The following PIK3C3 variants were observed in gnomAD, a reference collection of about 807,000 sequenced individuals.
PIK3C3 encodes phosphatidylinositol 3-kinase catalytic subunit type 3.
In PIK3C3, 95 loss-of-function variants were observed where a neutral mutation model predicts 126.1. The ratio of observed to expected loss-of-function variants is 0.75; its 90% CI spans 0.64 to 0.89. The LOEUF (loss-of-function observed/expected upper bound fraction) is 0.89, where lower values mean the gene tolerates loss of function less well. PIK3C3 is among the 40% of genes least tolerant of loss of function. PIK3C3 has a pLI of 0.00. For missense variants in PIK3C3, 829 were observed against 1,063.2 expected, an observed-to-expected ratio of 0.78 and a Z score of 3.06; for synonymous variants, 374 against 360.0, an observed-to-expected ratio of 1.04 and a Z score of -0.44.
intron 12 of PIK3C3, among the ~76,000 whole-genome samples, chr18:42,018,652 C>A (rs1454311559): frequency 1.3e-5 from 2 of 151,950 alleles, no homozygotes; most frequent in Non-Finnish European, 2.9e-5. Flanking sequence ...AAGAAAGGAC[C>A]CCTACTGTGT....
chr18:42,040,375 G>T (rs1984255203), intron 18 of PIK3C3, among the ~76,000 whole-genome samples: 1 of 151,698 alleles, frequency 6.6e-6, no homozygotes, highest in Non-Finnish European at 1.5e-5. Flanking sequence ...ATAGAAAGAA[G>T]AAATTTTTGA....
In PIK3C3 at chr18:41,992,452, A is replaced by T. The variant is rs1225253463; in HGVS notation, c.715-818A>T. ...AGTCTCTCTTGAGTTTGTTGCCCAT[A>T]TTTAAAATTGAAAACATACTAGCAT... is the stretch of plus-strand genomic sequence containing the variant. On this transcript the variant is annotated intron_variant, in intron 6 of 24. Coordinates refer to ENST00000262039, the MANE Select transcript of PIK3C3 (RefSeq NM_002647.4). Among the ~76,000 whole-genome samples the T allele has an allele frequency of 4.6e-5, 7 of 152,330 alleles. No individual in the cohort carries two copies. In the East Asian group the frequency reaches 1.3e-3, roughly 29 times the overall value.
chr18:41,977,586 T>C (rs1004597442), intron 4 of PIK3C3, among the ~76,000 whole-genome samples: 2 of 151,936 alleles, frequency 1.3e-5, no homozygotes, highest in African/African-American at 2.4e-5. Flanking sequence ...ACTCCTGGGT[T>C]CAAGCGATTC....
chr18:41,999,532 G>T (rs1280601769), intron 9 of PIK3C3, among the ~76,000 whole-genome samples: 1 of 151,962 alleles, frequency 6.6e-6, no homozygotes, highest in East Asian at 1.9e-4. Context: ...GTGACCCATG[G>T]GATAAATGAA....
chr18:42,069,967 G>T (rs1437409194), intron 24 of PIK3C3, among the ~76,000 whole-genome samples: 2 of 152,036 alleles, frequency 1.3e-5, no homozygotes, highest in Non-Finnish European at 2.9e-5. Flanking sequence ...AGGTTTTTTT[G>T]TTTGCTGTAA....
chr18:42,072,826 T>C (rs1192796882), intron 24 of PIK3C3, among the ~76,000 whole-genome samples: 1 of 152,196 alleles, frequency 6.6e-6, no homozygotes, highest in African/African-American at 2.4e-5. Flanking sequence ...CGAGCCACCA[T>C]GTCTGGCCTT....
chr18:42,078,781 C>T (rs904235437), intron 24 of PIK3C3, among the ~76,000 whole-genome samples: 1 of 152,212 alleles, frequency 6.6e-6, no homozygotes, highest in Admixed American at 6.5e-5. Flanking sequence ...TTACCTTGCA[C>T]TTCTATGTTA....
intron 10 of PIK3C3, among the ~76,000 whole-genome samples, chr18:42,006,701 C>G (rs1982561564): frequency 6.6e-6 from 1 of 152,030 alleles, no homozygotes; most frequent in Admixed American, 6.6e-5. Context: ...CTTATTCTTT[C>G]TAAATAACAG....
In PIK3C3 at chr18:42,029,434, A is replaced by C. The variant is rs1567990837; in HGVS notation, c.1700A>C (p.Lys567Thr). ...KAVQRESGNR[K>T]KKNERLQALL... ...GTACAACGCGAAAGTGGAAATCGTAAGAAAAAGGTAAGCCTATGGTGTATG... is the reference window on the plus strand; with the variant it reads ...GTACAACGCGAAAGTGGAAATCGTACGAAAAAGGTAAGCCTATGGTGTATG... The change falls in exon 15 of 25, where the codon AAG becomes ACG. Residue 567 changes from lysine (K) to threonine (T), a missense_variant. Coordinates refer to ENST00000262039, the MANE Select transcript of PIK3C3 (RefSeq NM_002647.4). 6.3e-7 allele frequency: 1 copy of C among 1,588,690 alleles called. No homozygotes were observed. Among genetic ancestry groups the C allele is most frequent in the East Asian group, 2.2e-5 (1 of 44,736 alleles).
intron 24 of PIK3C3, among the ~76,000 whole-genome samples, chr18:42,068,949 C>CAAAAAA (rs35657662): frequency 5.5e-4 from 45 of 82,202 alleles, no homozygotes; most frequent in African/African-American, 2.0e-3. Context: ...GACTCCGTCT[C>CAAAAAA]AAAAAAAAAA....
rs1986331825 is a variant in PIK3C3 at position 42,083,829 on chromosome 18, A to G, written c.*2692A>G. On this transcript the variant is annotated 3_prime_UTR_variant, in exon 25 of 25. Transcript: ENST00000262039. ...GGGATTTGAAGTCGAGTTAGACCCC[A>G]GTGATCACAGTCTTGACGATTAAAT... is the stretch of plus-strand genomic sequence containing the variant. The G allele has an allele frequency of 6.6e-6, 1 of 152,220 alleles. No individual in the cohort carries two copies. The highest frequency in any genetic ancestry group is 6.5e-5 in the Admixed American group (1 of 15,268). The allele number at this position is 152,220 out of a possible 1,614,324, so 9.4% of individuals were successfully genotyped here.
At chr18:41,973,420 AT>A (rs1980765070) in intron 4 of PIK3C3, among the ~76,000 whole-genome samples, 1 of 152,020 alleles carries the variant, frequency 6.6e-6, no homozygotes, top group Non-Finnish European at 1.5e-5. Context: ...TATGGTCTTA[AT>A]TTACTCTCTT....
intron 5 of PIK3C3, among the ~76,000 whole-genome samples, chr18:41,989,856 C>T (rs972509341): frequency 2.0e-5 from 3 of 151,902 alleles, no homozygotes; most frequent in Non-Finnish European, 2.9e-5. Context: ...ATATAAATAA[C>T]TTTTTTTTAT....
At chr18:42,037,950 C>G (rs1233642454) in intron 17 of PIK3C3, 130 bp downstream of exon 17, 1 of 792,874 alleles carries the variant, frequency 1.3e-6, no homozygotes, top group Non-Finnish European at 1.9e-6. Context: ...TCAACAGTCT[C>G]CACTTGACCT....
chr18:42,077,414 C>A (rs756380922), intron 24 of PIK3C3, among the ~76,000 whole-genome samples: 9 of 152,230 alleles, frequency 5.9e-5, no homozygotes, highest in African/African-American at 9.6e-5. Context: ...TCAACCCTTT[C>A]AAAACTTGCT....
At chr18:41,993,431 A>T in intron 7 of PIK3C3, 90 bp downstream of exon 7, 1 of 775,200 alleles carries the variant, frequency 1.3e-6, no homozygotes, top group Non-Finnish European at 2.2e-6. Context: ...AAACAAAGTA[A>T]TATATAACTG....
At chr18:42,064,470 C>T (rs540234340) in intron 22 of PIK3C3, among the ~76,000 whole-genome samples, 1 of 152,062 alleles carries the variant, frequency 6.6e-6, no homozygotes, top group African/African-American at 2.4e-5. Flanking sequence ...TATATACTTA[C>T]TAAAAAATGA....
chr18:41,995,692 G>A (rs1981991902), intron 7 of PIK3C3, among the ~76,000 whole-genome samples, 198 bp from the exon 8 acceptor site: 1 of 152,080 alleles, frequency 6.6e-6, no homozygotes. Flanking sequence ...TGGGACTAGT[G>A]GAGTTTAAGG....
At chr18:41,989,020 A>G (rs905426567) in intron 5 of PIK3C3, among the ~76,000 whole-genome samples, 9 of 152,142 alleles carry the variant, frequency 5.9e-5, no homozygotes, top group Non-Finnish European at 1.2e-4. Flanking sequence ...AAAATAGACT[A>G]TAATATGCTT....
Sources: gnomAD v4.1 joint callset for allele counts (sites outside exome capture counted in the v4.1 genomes callset) on GRCh38, gnomAD v4.1.1 for gene constraint, MANE v1.5 for transcripts, NCBI Gene and HGNC (gene_info 2026-07-23, HGNC 2026-07-21) for gene names.